The following PCDH15 variants were observed in gnomAD, a reference collection of about 807,000 sequenced individuals.
PCDH15 encodes protocadherin-15.
In PCDH15, 129 loss-of-function variants were observed where a neutral mutation model predicts 178.5. The ratio of observed to expected loss-of-function variants is 0.72; its 90% CI spans 0.63 to 0.84. The LOEUF (loss-of-function observed/expected upper bound fraction) is 0.84. Ranked by LOEUF, PCDH15 falls within the 40% of genes least tolerant of loss-of-function variation. PCDH15 has a pLI of 0.00. For missense variants in PCDH15, 2,230 were observed against 2,099.9 expected (o/e 1.06, Z -1.21); for synonymous variants, 800 against 732.0 (o/e 1.09, Z -1.50).
intron 2 of PCDH15, among the ~76,000 whole-genome samples, chr10:55,380,269 G>A (rs1023322495): frequency 5.3e-5 from 8 of 152,076 alleles, no homozygotes; most frequent in African/African-American, 1.9e-4. Context: ...AAAAGACATA[G>A]GGAAAGAAAT....
chr10:54,005,417 A>G (rs1377129728), intron 20 of PCDH15, among the ~76,000 whole-genome samples: 1 of 152,182 alleles, frequency 6.6e-6, no homozygotes, highest in Non-Finnish European at 1.5e-5. Context: ...CCCATCTGAC[A>G]AGGAATTAAA....
chr10:54,928,702 C>T (rs1834904109), intron 2 of PCDH15, among the ~76,000 whole-genome samples: 1 of 152,066 alleles, frequency 6.6e-6, no homozygotes, highest in South Asian at 2.1e-4. Context: ...TTCAAGCTCT[C>T]ACCTTGGTCT....
At chr10:54,090,120 A>G (rs1201863204) in intron 15 of PCDH15, 57 bp from the exon 16 acceptor site, 3 of 1,294,866 alleles carry the variant, frequency 2.3e-6, no homozygotes, top group Admixed American at 3.4e-5. Context: ...CCCACTCATT[A>G]CAGAGTAATA....
intron 3 of PCDH15, among the ~76,000 whole-genome samples, chr10:54,515,148 AC>A (rs2082081127): frequency 6.6e-6 from 1 of 152,214 alleles, no homozygotes; most frequent in Non-Finnish European, 1.5e-5. Context: ...GGTGCAGCGC[AC>A]CGTGCACCAG....
At chr10:54,892,609 A>G (rs1228905870) in intron 3 of PCDH15, among the ~76,000 whole-genome samples, 4 of 151,948 alleles carry the variant, frequency 2.6e-5, no homozygotes, top group Admixed American at 2.6e-4. Context: ...AAGAGTGATT[A>G]TAAACCAATA....
intron 10 of PCDH15, among the ~76,000 whole-genome samples, chr10:54,202,342 G>A (rs977147435): frequency 2.0e-5 from 3 of 151,978 alleles, no homozygotes; most frequent in African/African-American, 7.2e-5. Context: ...AAGAGGGAGG[G>A]AGGAAGAAAA....
intron 3 of PCDH15, among the ~76,000 whole-genome samples, chr10:54,822,609 A>G (rs560894609): frequency 6.6e-6 from 1 of 152,272 alleles, no homozygotes; most frequent in South Asian, 2.1e-4. Flanking sequence ...GGGTGCAAGT[A>G]TCTTTTCAAT....
At chr10:55,279,257 T>G (rs1177200246) in intron 1 of PCDH15, among the ~76,000 whole-genome samples, 1 of 152,160 alleles carries the variant, frequency 6.6e-6, no homozygotes, top group Non-Finnish European at 1.5e-5. Context: ...CTAATTGATA[T>G]GCGATCTCTG....
chr10:54,282,935 A>C (rs900226864), intron 8 of PCDH15, among the ~76,000 whole-genome samples: 1 of 152,104 alleles, frequency 6.6e-6, no homozygotes, highest in African/African-American at 2.4e-5. Context: ...TATGAGTAAA[A>C]CTTTGTGACA....
chr10:54,874,030 G>C (rs1187036287), intron 3 of PCDH15, among the ~76,000 whole-genome samples: 4 of 129,572 alleles, frequency 3.1e-5, no homozygotes, highest in African/African-American at 5.8e-5. Flanking sequence ...GTGCAGGTTA[G>C]TTACATATGT....
At chr10:54,907,314 T>A (rs1954741932) in intron 2 of PCDH15, among the ~76,000 whole-genome samples, 1 of 152,210 alleles carries the variant, frequency 6.6e-6, no homozygotes. Context: ...ATTATGCATG[T>A]ATTTCTTCTT....
chr10:53,820,459 A>C (rs1038937670), intron 32 of PCDH15, among the ~76,000 whole-genome samples: 6 of 152,038 alleles, frequency 3.9e-5, no homozygotes, highest in Non-Finnish European at 7.4e-5. Flanking sequence ...GGGGGCTCTC[A>C]ACTTATATTC....
intron 2 of PCDH15, among the ~76,000 whole-genome samples, chr10:55,391,128 A>C (rs1322213396): frequency 1.3e-5 from 2 of 152,126 alleles, no homozygotes; most frequent in Non-Finnish European, 2.9e-5. Flanking sequence ...TACACCGAAG[A>C]TCTGTTTAGT....
At chr10:53,963,864 C>T (rs934225985) in intron 21 of PCDH15, among the ~76,000 whole-genome samples, 3 of 152,132 alleles carry the variant, frequency 2.0e-5, no homozygotes, top group Non-Finnish European at 4.4e-5. Context: ...TGACTTTCTG[C>T]TTCCATTGTA....
intron 18 of PCDH15, among the ~76,000 whole-genome samples, chr10:54,062,241 A>AAAC (rs2094036551): frequency 6.9e-6 from 1 of 144,184 alleles, no homozygotes; most frequent in Non-Finnish European, 1.5e-5. Flanking sequence ...AAAAAAAAAA[A>AAAC]AAAAAAAAAA....
intron 2 of PCDH15, among the ~76,000 whole-genome samples, chr10:54,980,387 A>G (rs1371815261): frequency 6.6e-6 from 1 of 152,142 alleles, no homozygotes; most frequent in African/African-American, 2.4e-5. Context: ...ATCACCAGGC[A>G]AAACATTTCT....
intron 9 of PCDH15, among the ~76,000 whole-genome samples, chr10:54,232,924 CTTTTT>C (rs762364718): frequency 1.8e-5 from 2 of 109,226 alleles, no homozygotes; most frequent in African/African-American, 3.7e-5. Flanking sequence ...AGCTTTCTTT[CTTTTT>C]TTTTTTTTTT....
chr10:55,625,072 A>C (rs1255523515), intron 2 of PCDH15, among the ~76,000 whole-genome samples: 1 of 152,160 alleles, frequency 6.6e-6, no homozygotes, highest in Non-Finnish European at 1.5e-5. Context: ...CCAGTGAGAA[A>C]GTGATAATCA....
chr10:54,631,078 G>A lies in PCDH15; in HGVS notation c.91+33094C>T, dbSNP rs145037999. On this transcript the variant is annotated intron_variant, in intron 2 of 37. Coordinates refer to ENST00000644397, the MANE Select transcript of PCDH15 (RefSeq NM_001384140.1). Reference sequence around the variant, plus strand: ...TAAAATTGTAATCCCCGATGTTGGAGGTGGGACCTGCTTGGAGGTGTGTTT... The same window carrying A: ...TAAAATTGTAATCCCCGATGTTGGAAGTGGGACCTGCTTGGAGGTGTGTTT... Among the ~76,000 whole-genome samples, 885 of 152,276 alleles carry A rather than the reference G, an allele frequency of 5.8e-3. 9 individuals carry two copies. The highest frequency in any genetic ancestry group is 0.016 in the African/African-American group (661 of 41,572).
Sources: allele counts gnomAD v4.1 joint callset (sites outside exome capture counted in the v4.1 genomes callset), GRCh38; gene constraint gnomAD v4.1.1; transcripts MANE v1.5; gene names NCBI Gene and HGNC (gene_info 2026-07-23, HGNC 2026-07-21).